RNF144A: variants seen among roughly 807,000 people sequenced by gnomAD.
RNF144A encodes the protein E3 ubiquitin-protein ligase RNF144A.
In RNF144A, 11 loss-of-function variants were observed where a neutral mutation model predicts 38.7. The observed-to-expected ratio is 0.28, with a 90% CI of 0.18 to 0.47. The LOEUF (loss-of-function observed/expected upper bound fraction) is 0.47. RNF144A is among the 20% of genes least tolerant of loss of function. The pLI, the probability that RNF144A is intolerant of heterozygous loss-of-function variation, is 0.99. For missense variants in RNF144A, 316 were observed against 377.2 expected (o/e 0.84, Z 1.34); for synonymous variants, 149 against 143.9 (o/e 1.04, Z -0.25).
At chr2:6,998,320 G>A (rs958755276) in intron 3 of RNF144A, among the ~76,000 whole-genome samples, 1 of 152,142 alleles carries the variant, frequency 6.6e-6, no homozygotes, top group African/African-American at 2.4e-5. Context: ...CATCTTTCTT[G>A]CATAGCTTTC....
At chr2:6,969,837 C>T (rs2103344527) in intron 2 of RNF144A, among the ~76,000 whole-genome samples, 1 of 152,344 alleles carries the variant, frequency 6.6e-6, no homozygotes, top group Admixed American at 6.5e-5. Flanking sequence ...TCTCGGCTCA[C>T]TGCAAACTCT....
chr2:7,070,932 GTT>G (rs138072047), downstream of RNF144A, among the ~76,000 whole-genome samples: 44,635 of 122,204 alleles, frequency 0.37, 6,684 homozygotes, highest in South Asian at 0.45. Context: ...GCTTTGCTGA[GTT>G]TTTTTTTTTT....
intron 2 of RNF144A, among the ~76,000 whole-genome samples, chr2:6,989,705 T>C (rs1245003102): frequency 6.6e-6 from 1 of 152,152 alleles, no homozygotes; most frequent in Non-Finnish European, 1.5e-5. Context: ...TCATACAGAA[T>C]AGTTTTATTG....
At chr2:7,020,347 T>G in intron 5 of RNF144A, 126 bp from the exon 6 acceptor site, 1 of 774,244 alleles carries the variant, frequency 1.3e-6, no homozygotes, top group African/African-American at 1.7e-5. Context: ...CGGTTGGGGC[T>G]GGTGGTGCTG....
At chr2:6,964,413 A>G (rs868682339) in intron 2 of RNF144A, among the ~76,000 whole-genome samples, 43 of 152,318 alleles carry the variant, frequency 2.8e-4, no homozygotes, top group Middle Eastern at 6.8e-3. Context: ...TCAGTGTGGC[A>G]ATTCCTCAGG....
intron 8 of RNF144A, among the ~76,000 whole-genome samples, chr2:7,036,455 G>T (rs943299052): frequency 2.6e-5 from 4 of 152,214 alleles, no homozygotes; most frequent in African/African-American, 7.2e-5. Flanking sequence ...GAAGGACCAG[G>T]TGTTCCTTCC....
intron 6 of RNF144A, among the ~76,000 whole-genome samples, chr2:7,063,938 G>C (rs1008151377): frequency 6.6e-6 from 1 of 152,138 alleles, no homozygotes; most frequent in African/African-American, 2.4e-5. Flanking sequence ...TTATGGTTCC[G>C]GGGGCTGGGA....
At chr2:6,925,239 C>A (rs1051223656) in intron 1 of RNF144A, among the ~76,000 whole-genome samples, 4 of 152,064 alleles carry the variant, frequency 2.6e-5, no homozygotes, top group Non-Finnish European at 5.9e-5. Context: ...CTGGCTGTAT[C>A]CTCACAGATC....
At chr2:7,027,021 A>G (rs891064747) in intron 7 of RNF144A, among the ~76,000 whole-genome samples, 1 of 152,236 alleles carries the variant, frequency 6.6e-6, no homozygotes, top group African/African-American at 2.4e-5. Flanking sequence ...ACAGTGATTT[A>G]CGACAAGCAC....
chr2:7,051,606 A>G (rs1673530790), intron 6 of RNF144A, among the ~76,000 whole-genome samples: 1 of 152,144 alleles, frequency 6.6e-6, no homozygotes, highest in Non-Finnish European at 1.5e-5. Flanking sequence ...AAGACAGTTG[A>G]GGGCAGGCAC....
intron 8 of RNF144A, among the ~76,000 whole-genome samples, chr2:7,032,354 G>GCCCCTTGCAGCTCTGCTCGAATCCGCA (rs1672368900): frequency 2.0e-5 from 3 of 149,668 alleles, no homozygotes; most frequent in South Asian, 4.2e-4. Flanking sequence ...TGGAATCCGC[G>GCCCCTTGCAGCTCTGCTCGAATCCGCA]CCCCTTGCAG....
At position 7,043,121 on chromosome 2, in the gene RNF144A, G is replaced by A. The variant is rs1385180678; in HGVS notation, c.*3361G>A. Reference sequence around the variant, plus strand: ...GACCTCAGGTGATCTGCCCACCTCGGCTTCCCAAAGTGCTGGAATTACAGG... The same window carrying A: ...GACCTCAGGTGATCTGCCCACCTCGACTTCCCAAAGTGCTGGAATTACAGG... On this transcript the variant is annotated 3_prime_UTR_variant, in exon 9 of 9. Coordinates refer to ENST00000320892, the MANE Select transcript of RNF144A (RefSeq NM_014746.6). 2 of 924,050 alleles carry A rather than the reference G, an allele frequency of 2.2e-6. No individual in the cohort carries two copies. Among genetic ancestry groups the A allele is most frequent in the Non-Finnish European group, 2.6e-6 (2 of 774,254 alleles). The allele number at this position is 924,050 out of a possible 1,614,324, so 57.2% of individuals were successfully genotyped here.
At chr2:6,937,340 C>CAGG (rs1309815205) in intron 1 of RNF144A, among the ~76,000 whole-genome samples, 1 of 152,208 alleles carries the variant, frequency 6.6e-6, no homozygotes, top group Non-Finnish European at 1.5e-5. Flanking sequence ...CAGGTGGGGA[C>CAGG]AGGAGGCTTT....
At chr2:7,037,081 C>G (rs371199555) in intron 8 of RNF144A, among the ~76,000 whole-genome samples, 2 of 152,150 alleles carry the variant, frequency 1.3e-5, no homozygotes, top group South Asian at 4.1e-4. Context: ...AACTGTTTAC[C>G]CATCCCTCTG....
intron 3 of RNF144A, among the ~76,000 whole-genome samples, chr2:7,014,226 A>G (rs1670997467): frequency 6.6e-6 from 1 of 152,198 alleles, no homozygotes; most frequent in Non-Finnish European, 1.5e-5. Context: ...CCATAGCCTT[A>G]GCTTTGTGAT....
At position 7,020,418 on chromosome 2, in the gene RNF144A, C is replaced by A. The variant is rs1671440325; in HGVS notation, c.302-55C>A. 3.3e-6 allele frequency: 5 copies of A among 1,505,974 alleles called. No individual in the cohort carries two copies. The Admixed American group carries it at 6.7e-5, about 20-fold the overall frequency. 93.3% of individuals were successfully genotyped at this position (1,505,974 alleles called of 1,614,324 possible). ...CACTGAGGGGCTCCTTCCTCTGAAG[C>A]CCACATGACCCTCTGGCTTAAGTTT... On this transcript the variant is annotated intron_variant, in intron 5 of 8. Transcript: ENST00000320892.
intron 6 of RNF144A, among the ~76,000 whole-genome samples, chr2:7,066,785 G>A (rs1015956589): frequency 9.9e-5 from 15 of 152,108 alleles, no homozygotes. Flanking sequence ...TCACTTCCTG[G>A]CAGGCCTAGG....
chr2:7,061,480 TG>T (rs935330651), intron 6 of RNF144A, among the ~76,000 whole-genome samples: 44 of 152,188 alleles, frequency 2.9e-4, no homozygotes, highest in African/African-American at 9.7e-4. Flanking sequence ...AGGGTGATGA[TG>T]TTTTTTTTAA....
chr2:6,935,758 T>C (rs1453849452), intron 1 of RNF144A, among the ~76,000 whole-genome samples: 1 of 152,108 alleles, frequency 6.6e-6, no homozygotes, highest in Non-Finnish European at 1.5e-5. Flanking sequence ...TAACAGCATG[T>C]AGATGGGATG....
Sources: allele counts gnomAD v4.1 joint callset (sites outside exome capture counted in the v4.1 genomes callset), GRCh38; gene constraint gnomAD v4.1.1; transcripts MANE v1.5; gene names NCBI Gene and HGNC (gene_info 2026-07-23, HGNC 2026-07-21).